ARHGAP12: variants seen among roughly 807,000 people sequenced by gnomAD.
ARHGAP12 encodes the protein rho GTPase-activating protein 12.
In ARHGAP12, 64 loss-of-function variants were observed where a neutral mutation model predicts 108.6. That is an observed-to-expected ratio of 0.59 (90% CI 0.48 to 0.73). The LOEUF is 0.73. Ranked by LOEUF, ARHGAP12 falls within the 30% of genes least tolerant of loss-of-function variation. The pLI, the probability that ARHGAP12 is intolerant of heterozygous loss-of-function variation, is 0.00. For missense variants in ARHGAP12, 940 were observed against 1,005.9 expected (o/e 0.93, Z 0.89); for synonymous variants, 312 against 337.2 (o/e 0.93, Z 0.82).
chr10:31,914,535 G>C (rs1455604357), intron 1 of ARHGAP12, among the ~76,000 whole-genome samples: 1 of 151,778 alleles, frequency 6.6e-6, no homozygotes, highest in African/African-American at 2.4e-5. Context: ...GCCAATAAGT[G>C]TAAGAAAAAA....
chr10:31,852,929 T>C (rs1308219725), intron 5 of ARHGAP12, among the ~76,000 whole-genome samples: 1 of 152,110 alleles, frequency 6.6e-6, no homozygotes, highest in Non-Finnish European at 1.5e-5. Context: ...GGTTTCTCCA[T>C]GTTGGTCAGG....
rs760463433 is a variant in ARHGAP12, at chr10:31,843,591, A to T, written c.1171-5T>A. ...CTGCTGGGATGAAGCATTATACTAA[A>T]ACAAAACAAAGCAAAAAACACAAAA... On this transcript the variant is annotated splice_region_variant and splice_polypyrimidine_tract_variant and intron_variant, in intron 6 of 19. Transcript: ENST00000344936. 1 of 1,581,688 alleles carries T rather than the reference A, an allele frequency of 6.3e-7. No individual in the cohort carries two copies. Among genetic ancestry groups the T allele is most frequent in the Non-Finnish European group, 8.5e-7 (1 of 1,170,844 alleles).
chr10:31,846,867 G>A (rs1592283014), intron 6 of ARHGAP12, among the ~76,000 whole-genome samples: 1 of 135,968 alleles, frequency 7.4e-6, no homozygotes, highest in Non-Finnish European at 1.6e-5. Context: ...TAGCTCTTTC[G>A]TATTTTCCCA....
At chr10:31,847,003 T>C (rs1836486677) in intron 6 of ARHGAP12, among the ~76,000 whole-genome samples, 1 of 151,846 alleles carries the variant, frequency 6.6e-6, no homozygotes, top group African/African-American at 2.4e-5. Flanking sequence ...TCTTCTCTTT[T>C]ACCTCCATTC....
intron 13 of ARHGAP12, among the ~76,000 whole-genome samples, chr10:31,815,656 T>C (rs1404629926): frequency 3.9e-5 from 6 of 152,304 alleles, no homozygotes; most frequent in East Asian, 3.9e-4. Flanking sequence ...CTGTAAGTCA[T>C]TGGAAGAAAA....
At position 31,834,565 on chromosome 10, in the gene ARHGAP12, C is replaced by T. The variant is rs1835943064; in HGVS notation, c.1387-2765G>A. 2.6e-5 allele frequency among the ~76,000 whole-genome samples: 4 copies of T among 152,198 alleles called. No individual in the cohort carries two copies. The South Asian group carries it at 8.3e-4, about 32-fold the overall frequency. On this transcript the variant is annotated intron_variant, in intron 9 of 19. Coordinates refer to ENST00000344936, the MANE Select transcript of ARHGAP12 (RefSeq NM_018287.7). The stretch of plus-strand genomic sequence containing the variant: ...CAGTTTATATTTTTGCTATACCAGC[C>T]CCAATGGACTAAGACACCCTTAATG...
rs1278593898 is a variant in ARHGAP12, at chr10:31,835,915, A to AT, written c.1386+3389dup. On this transcript the variant is annotated intron_variant, in intron 9 of 19. Coordinates refer to ENST00000344936, the MANE Select transcript of ARHGAP12 (RefSeq NM_018287.7). ...TTATTTTGGGGTGACGAAAAGTCCT[A>AT]TAACAGAGGTGATAGCCACACACGT... Among the ~76,000 whole-genome samples the AT allele has an allele frequency of 8.5e-5, 13 of 152,156 alleles. 1 individual carries two copies. Among genetic ancestry groups the AT allele is most frequent in the African/African-American group, 3.1e-4 (13 of 41,436 alleles).
In ARHGAP12 at chr10:31,916,316, CT is replaced by C. The variant is rs1839553628; in HGVS notation, c.-110-5754del. Among the ~76,000 whole-genome samples the C allele has an allele frequency of 2.0e-5, 3 of 152,074 alleles. No homozygotes were observed. The South Asian group carries it at 6.2e-4, about 32-fold the overall frequency. On this transcript the variant is annotated intron_variant, in intron 1 of 19. Transcript: ENST00000344936. The stretch of plus-strand genomic sequence containing the variant: ...CTCTTACCAGTCTTCTTCCTCCTCC[CT>C]TTTTCCACGTTTCAACAACCACCAC...
chr10:31,816,376 C>G (rs535223343), intron 13 of ARHGAP12, among the ~76,000 whole-genome samples: 3 of 152,260 alleles, frequency 2.0e-5, no homozygotes, highest in Non-Finnish European at 4.4e-5. Context: ...CCCCTACCAT[C>G]GTAACACTCA....
intron 1 of ARHGAP12, among the ~76,000 whole-genome samples, chr10:31,921,713 G>A (rs796972705): frequency 4.8e-4 from 62 of 129,096 alleles, no homozygotes; most frequent in African/African-American, 1.5e-3. Flanking sequence ...GCAGTGAGCC[G>A]AGATTGTGCC....
At chr10:31,867,467 T>C (rs182850910) in intron 3 of ARHGAP12, among the ~76,000 whole-genome samples, 2 of 152,316 alleles carry the variant, frequency 1.3e-5, no homozygotes, top group Admixed American at 1.3e-4. Flanking sequence ...TAGCATAAAA[T>C]ACCAAACTAA....
intron 10 of ARHGAP12, among the ~76,000 whole-genome samples, chr10:31,830,471 A>G (rs1835792194): frequency 6.6e-6 from 1 of 152,184 alleles, no homozygotes; most frequent in Non-Finnish European, 1.5e-5. Flanking sequence ...CCCAAAATGG[A>G]GAAAGAAAAA....
At chr10:31,822,293 G>A (rs1472958795) in intron 11 of ARHGAP12, among the ~76,000 whole-genome samples, 1 of 152,154 alleles carries the variant, frequency 6.6e-6, no homozygotes, top group Non-Finnish European at 1.5e-5. Flanking sequence ...GCAGGCCGAC[G>A]ACGGACAGAG....
chr10:31,887,906 C>G (rs1000138678), intron 3 of ARHGAP12, among the ~76,000 whole-genome samples: 7 of 152,106 alleles, frequency 4.6e-5, no homozygotes, highest in Admixed American at 1.3e-4. Flanking sequence ...ATCCGCCCGC[C>G]TCAGCCTCCC....
At chr10:31,814,172 T>C (rs1182357774) in intron 14 of ARHGAP12, 87 bp downstream of exon 14, 2 of 1,048,868 alleles carry the variant, frequency 1.9e-6, no homozygotes, top group African/African-American at 1.6e-5. Context: ...GGACATTCCA[T>C]TCAGCTTTTA....
intron 4 of ARHGAP12, among the ~76,000 whole-genome samples, chr10:31,855,793 A>C (rs1423288426): frequency 1.3e-5 from 2 of 152,166 alleles, no homozygotes. Flanking sequence ...TTCTCATCAT[A>C]ATTTTCCAAA....
chr10:31,849,491 G>A (rs1034088903), intron 6 of ARHGAP12, among the ~76,000 whole-genome samples: 7 of 152,248 alleles, frequency 4.6e-5, no homozygotes, highest in African/African-American at 1.7e-4. Context: ...TTTAATATCT[G>A]CATGGGGGTT....
chr10:31,899,548 G>C (rs940857234), intron 3 of ARHGAP12, among the ~76,000 whole-genome samples: 3 of 152,052 alleles, frequency 2.0e-5, no homozygotes, highest in Admixed American at 1.3e-4. Flanking sequence ...AGAGATCAAT[G>C]GAACAGAATA....
chr10:31,809,543 C>T, intron 16 of ARHGAP12: 1 of 415,692 alleles, frequency 2.4e-6, no homozygotes, highest in Non-Finnish European at 4.4e-6. Context: ...ATCATATAGA[C>T]TGTGAATCAG....
Sources: allele counts gnomAD v4.1 joint callset (sites outside exome capture counted in the v4.1 genomes callset), GRCh38; gene constraint gnomAD v4.1.1; transcripts MANE v1.5; gene names NCBI Gene and HGNC (gene_info 2026-07-23, HGNC 2026-07-21).